Variants in ZFYVE9 observed in about 807,000 individuals in gnomAD.
ZFYVE9 encodes the protein zinc finger FYVE domain-containing protein 9.
Under a neutral mutation model 126.7 loss-of-function variants are expected in ZFYVE9, and 43 were observed. That is an observed-to-expected ratio of 0.34 (90% CI 0.27 to 0.44). ZFYVE9 has a LOEUF of 0.44. Among genes scored for constraint, ZFYVE9 ranks in the 20% least tolerant of loss-of-function variants. ZFYVE9 has a pLI of 1.00. For missense variants in ZFYVE9, 1,476 were observed against 1,697.0 expected (o/e 0.87, Z 2.29); for synonymous variants, 521 against 597.4 (o/e 0.87, Z 1.87).
At chr1:52,266,393 G>A (rs1218993457) in intron 5 of ZFYVE9, among the ~76,000 whole-genome samples, 2 of 115,264 alleles carry the variant, frequency 1.7e-5, no homozygotes, top group African/African-American at 3.6e-5. Context: ...CACCACTCCC[G>A]GTCTAATTCT....
intron 14 of ZFYVE9, among the ~76,000 whole-genome samples, chr1:52,334,162 A>G (rs1378223163): frequency 1.3e-5 from 2 of 152,154 alleles, no homozygotes; most frequent in East Asian, 3.9e-4. Context: ...AATATATTTG[A>G]TCTAAAAAAA....
chr1:52,307,648 T>A (rs1646097139), intron 13 of ZFYVE9, among the ~76,000 whole-genome samples: 1 of 152,238 alleles, frequency 6.6e-6, no homozygotes, highest in South Asian at 2.1e-4. Context: ...AGGTTCAGAA[T>A]CCTTTGTTCT....
At chr1:52,270,311 T>A (rs772786201) in intron 7 of ZFYVE9, among the ~76,000 whole-genome samples, 15 of 152,340 alleles carry the variant, frequency 9.8e-5, no homozygotes, top group Non-Finnish European at 2.1e-4. Flanking sequence ...TCGCCCAGGC[T>A]GGAGTGCAGT....
chr1:52,192,023 G>T (rs1316110027), intron 1 of ZFYVE9, among the ~76,000 whole-genome samples: 1 of 84,274 alleles, frequency 1.2e-5, no homozygotes, highest in Non-Finnish European at 3.1e-5. Context: ...CACAGTAATT[G>T]GCAGGGGCTT....
chr1:52,284,299 C>T (rs181541497), intron 10 of ZFYVE9, among the ~76,000 whole-genome samples: 8 of 152,084 alleles, frequency 5.3e-5, no homozygotes, highest in African/African-American at 1.2e-4. Context: ...TTGAGAGTAT[C>T]GTTGTGAATG....
intron 5 of ZFYVE9, among the ~76,000 whole-genome samples, chr1:52,265,579 A>G (rs577774809): frequency 5.4e-4 from 82 of 152,360 alleles, no homozygotes; most frequent in African/African-American, 1.7e-3. Flanking sequence ...TATAGGGTAC[A>G]CAGAATCTTA....
Position 52,239,501 on chromosome 1 carries a change from T to G in ZFYVE9, c.2084T>G (p.Val695Gly). The G allele has an allele frequency of 6.2e-7, 1 of 1,614,138 alleles. No homozygotes were observed. The highest frequency in any genetic ancestry group is 8.5e-7 in the Non-Finnish European group (1 of 1,180,002). ...PFTTLGEVAP[V>G]WVPDSQAPNC... The stretch of plus-strand genomic sequence containing the variant: ...ACCACTCTGGGTGAGGTGGCTCCAG[T>G]ATGGGTACCGGATTCTCAGGCTCCA... Residue 695 changes from valine (V) to glycine (G), a missense_variant, in exon 4 of 19, where the codon GTA (valine) becomes GGA (glycine). This residue lies in a region of ZFYVE9 where 669 missense variants were observed against 902.4 expected (regional missense o/e 0.74). Transcript: ENST00000287727.
intron 13 of ZFYVE9, among the ~76,000 whole-genome samples, chr1:52,322,410 C>T (rs187921638): frequency 8.5e-4 from 122 of 143,218 alleles, no homozygotes; most frequent in Non-Finnish European, 1.2e-3. Context: ...GACAGAGTCT[C>T]GCTGTGTCGC....
At chr1:52,206,913 G>A (rs756781827) in intron 1 of ZFYVE9, among the ~76,000 whole-genome samples, 1 of 152,168 alleles carries the variant, frequency 6.6e-6, no homozygotes, top group Non-Finnish European at 1.5e-5. Flanking sequence ...CCATAATTTT[G>A]TGAGTCAGTT....
At chr1:52,339,686 C>A in intron 16 of ZFYVE9, among the ~76,000 whole-genome samples, 1 of 152,176 alleles carries the variant, frequency 6.6e-6, no homozygotes, top group Non-Finnish European at 1.5e-5. Flanking sequence ...ATCATATTCC[C>A]TCCCCTTCAG....
chr1:52,286,015 G>A (rs554150172), intron 10 of ZFYVE9, among the ~76,000 whole-genome samples: 1 of 152,224 alleles, frequency 6.6e-6, no homozygotes, highest in South Asian at 2.1e-4. Context: ...AATTAGCCGG[G>A]TGTGATGGTG....
chr1:52,181,697 C>T (rs1428803892), intron 1 of ZFYVE9, among the ~76,000 whole-genome samples: 2 of 152,054 alleles, frequency 1.3e-5, no homozygotes, highest in African/African-American at 4.8e-5. Context: ...TGCCCGGCCG[C>T]CCATCGTCTG....
chr1:52,263,397 C>T (rs1040485785), intron 4 of ZFYVE9, among the ~76,000 whole-genome samples: 14 of 152,112 alleles, frequency 9.2e-5, no homozygotes, highest in African/African-American at 3.4e-4. Context: ...TTATTTCATC[C>T]TGCTATAATT....
At chr1:52,202,878 G>T (rs1644937082) in intron 1 of ZFYVE9, among the ~76,000 whole-genome samples, 1 of 151,340 alleles carries the variant, frequency 6.6e-6, no homozygotes, top group Non-Finnish European at 1.5e-5. Flanking sequence ...TAGAGACAGG[G>T]TTTCGCCACA....
At chr1:52,167,998 A>G (rs1044742184) in intron 1 of ZFYVE9, among the ~76,000 whole-genome samples, 3 of 152,180 alleles carry the variant, frequency 2.0e-5, no homozygotes, top group Admixed American at 6.5e-5. Context: ...AAGTTGCATT[A>G]TAGTATTATA....
chr1:52,197,750 T>C (rs1644875099), intron 1 of ZFYVE9, among the ~76,000 whole-genome samples: 1 of 152,220 alleles, frequency 6.6e-6, no homozygotes, highest in Non-Finnish European at 1.5e-5. Flanking sequence ...TTTAACAATA[T>C]GGAAGTTATC....
chr1:52,223,505 C>G (rs1645143181), intron 2 of ZFYVE9, among the ~76,000 whole-genome samples: 1 of 152,186 alleles, frequency 6.6e-6, no homozygotes, highest in Non-Finnish European at 1.5e-5. Context: ...ATGGGATGGT[C>G]TTTCCAATTT....
At chr1:52,280,634 A>G (rs979488680) in intron 9 of ZFYVE9, among the ~76,000 whole-genome samples, 1 of 152,300 alleles carries the variant, frequency 6.6e-6, no homozygotes, top group Non-Finnish European at 1.5e-5. Context: ...TTTTGACTAC[A>G]TATGGTTTCT....
intron 13 of ZFYVE9, among the ~76,000 whole-genome samples, chr1:52,316,140 G>A (rs1410286512): frequency 8.0e-6 from 1 of 124,962 alleles, no homozygotes; most frequent in Non-Finnish European, 1.6e-5. Flanking sequence ...ACTTCAGCCT[G>A]GGCAACAAGA....
Sources: allele counts gnomAD v4.1 joint callset (sites outside exome capture counted in the v4.1 genomes callset), GRCh38; gene constraint gnomAD v4.1.1; regional missense constraint gnomAD v4.1.1; transcripts MANE v1.5; gene names NCBI Gene and HGNC (gene_info 2026-07-23, HGNC 2026-07-21).